Variants in PRKCQ observed in about 807,000 individuals in gnomAD.
The protein encoded by PRKCQ is protein kinase C theta type.
PRKCQ carries 41 observed loss-of-function variants against 91.2 expected under a neutral mutation model. The ratio of observed to expected loss-of-function variants is 0.45; its 90% CI spans 0.35 to 0.58. The LOEUF is 0.58. Ranked by LOEUF, PRKCQ falls within the 20% of genes least tolerant of loss-of-function variation. The pLI is 0.00. For missense variants in PRKCQ, 673 were observed against 896.5 expected, an observed-to-expected ratio of 0.75 and a Z score of 3.18; for synonymous variants, 307 against 316.9, an observed-to-expected ratio of 0.97 and a Z score of 0.33.
chr10:6,437,711 G>C (rs757169831), intron 16 of PRKCQ, among the ~76,000 whole-genome samples: 1 of 151,938 alleles, frequency 6.6e-6, no homozygotes, highest in Non-Finnish European at 1.5e-5. Context: ...GAGTGCAGTG[G>C]TGTGATCTCG....
At chr10:6,468,094 T>G (rs1835780217) in intron 12 of PRKCQ, among the ~76,000 whole-genome samples, 1 of 152,196 alleles carries the variant, frequency 6.6e-6, no homozygotes, top group African/African-American at 2.4e-5. Flanking sequence ...ACAAAATCAG[T>G]TGTATAATTC....
chr10:6,457,819 T>C (rs1050360180), intron 14 of PRKCQ, among the ~76,000 whole-genome samples: 5 of 152,238 alleles, frequency 3.3e-5, no homozygotes, highest in African/African-American at 1.2e-4. Flanking sequence ...ATTGAGTTTA[T>C]TGTAAACTAA....
intron 2 of PRKCQ, among the ~76,000 whole-genome samples, chr10:6,512,543 A>C (rs1374353731): frequency 6.6e-6 from 1 of 152,260 alleles, no homozygotes; most frequent in African/African-American, 2.4e-5. Flanking sequence ...ATCATTTCAG[A>C]AGCAGAAACC....
At chr10:6,526,528 T>C (rs1383791592) in intron 1 of PRKCQ, among the ~76,000 whole-genome samples, 2 of 152,144 alleles carry the variant, frequency 1.3e-5, no homozygotes, top group East Asian at 1.9e-4. Context: ...GAAGGGTCTC[T>C]GTGAAATGAC....
At chr10:6,562,480 T>C (rs1026435354) in intron 1 of PRKCQ, among the ~76,000 whole-genome samples, 7 of 152,170 alleles carry the variant, frequency 4.6e-5, no homozygotes, top group Non-Finnish European at 1.5e-5. Context: ...TTGATGATTA[T>C]GCTCAACCAG....
chr10:6,413,636 T>C, the PRKCQ span, among the ~76,000 whole-genome samples: 13 of 75,652 alleles, frequency 1.7e-4, 3 homozygotes, highest in African/African-American at 5.8e-4. Flanking sequence ...ATGCCACTTG[T>C]GCACACACAC....
At chr10:6,507,635 A>C in intron 3 of PRKCQ, 139 bp from the exon 4 acceptor site, 5 of 734,662 alleles carry the variant, frequency 6.8e-6, no homozygotes, top group Non-Finnish European at 1.2e-5. Flanking sequence ...ACTCAAACTC[A>C]TTGTCATCAG....
At chr10:6,415,405 CATATATATATATATATATATATATATAT>C in the PRKCQ span, among the ~76,000 whole-genome samples, 837 of 104,832 alleles carry the variant, frequency 8.0e-3, 34 homozygotes, top group African/African-American at 0.03. Flanking sequence ...CAAGAAAATA[CATATATATATATATATATATATATATAT>C]ATATATATAT....
At chr10:6,399,462 T>C in the PRKCQ span, among the ~76,000 whole-genome samples, 1 of 152,284 alleles carries the variant, frequency 6.6e-6, no homozygotes, top group South Asian at 2.1e-4. Context: ...GCCCTTGCCC[T>C]GGAGACAGAA....
At chr10:6,555,329 C>A (rs113044936) in intron 1 of PRKCQ, among the ~76,000 whole-genome samples, 1 of 151,796 alleles carries the variant, frequency 6.6e-6, no homozygotes, top group Non-Finnish European at 1.5e-5. Context: ...TTCATGTCAC[C>A]CATAATAGAC....
At chr10:6,472,224 C>T (rs530584100) in intron 12 of PRKCQ, among the ~76,000 whole-genome samples, 3 of 152,040 alleles carry the variant, frequency 2.0e-5, no homozygotes, top group Non-Finnish European at 2.9e-5. Flanking sequence ...AGGAGAATGG[C>T]GTGAACCCGG....
chr10:6,550,229 T>G (rs1840129077), intron 1 of PRKCQ, among the ~76,000 whole-genome samples: 1 of 152,352 alleles, frequency 6.6e-6, no homozygotes, highest in Admixed American at 6.5e-5. Flanking sequence ...CATGACAGCA[T>G]GTGAAGGAAT....
intron 2 of PRKCQ, among the ~76,000 whole-genome samples, chr10:6,511,826 T>C (rs181452470): frequency 2.0e-4 from 31 of 152,268 alleles, no homozygotes; most frequent in Admixed American, 7.2e-4. Flanking sequence ...AAATGTAAAT[T>C]CCAAGCTTTA....
intron 4 of PRKCQ, among the ~76,000 whole-genome samples, chr10:6,501,750 G>T (rs1216423799): frequency 6.6e-6 from 1 of 152,068 alleles, no homozygotes; most frequent in Non-Finnish European, 1.5e-5. Context: ...CTTGAACTCG[G>T]GAGGCGGAGG....
intron 1 of PRKCQ, among the ~76,000 whole-genome samples, chr10:6,566,119 A>G (rs1046785383): frequency 2.6e-5 from 4 of 152,200 alleles, no homozygotes; most frequent in African/African-American, 9.7e-5. Context: ...TTGTGTTACC[A>G]TCCCCACTAA....
At chr10:6,504,241 C>A (rs1278151412) in intron 4 of PRKCQ, among the ~76,000 whole-genome samples, 1 of 152,192 alleles carries the variant, frequency 6.6e-6, no homozygotes, top group African/African-American at 2.4e-5. Context: ...ATTTTTATCA[C>A]CTCTCCATAA....
At chr10:6,542,844 T>A (rs1839822254) in intron 1 of PRKCQ, among the ~76,000 whole-genome samples, 1 of 152,230 alleles carries the variant, frequency 6.6e-6, no homozygotes, top group Non-Finnish European at 1.5e-5. Flanking sequence ...TTGTTAGGAA[T>A]ATGCCTGGGA....
intron 4 of PRKCQ, among the ~76,000 whole-genome samples, chr10:6,501,499 C>A (rs1304760441): frequency 6.6e-6 from 1 of 151,846 alleles, no homozygotes; most frequent in African/African-American, 2.4e-5. Context: ...GAGGAAGCAA[C>A]TGCATCCTAA....
In PRKCQ at chr10:6,441,886, T is replaced by C; in HGVS notation, c.1836+7A>G. 6.3e-7 allele frequency: 1 copy of C among 1,597,580 alleles called. No individual in the cohort carries two copies. Among genetic ancestry groups the C allele is most frequent in the East Asian group, 2.3e-5 (1 of 44,414 alleles). The stretch of plus-strand genomic sequence containing the variant: ...CTTATGAAGACGCTCTTGGCTTCGC[T>C]TCTTACCTTCACCAGAAGGTCCTTT... On this transcript the variant is annotated splice_region_variant and intron_variant, in intron 16 of 17. Coordinates refer to ENST00000263125, the MANE Select transcript of PRKCQ (RefSeq NM_006257.5).
Sources: allele counts gnomAD v4.1 joint callset (sites outside exome capture counted in the v4.1 genomes callset), GRCh38; gene constraint gnomAD v4.1.1; transcripts MANE v1.5; gene names NCBI Gene and HGNC (gene_info 2026-07-23, HGNC 2026-07-21).